TTC29: variants seen among roughly 807,000 people sequenced by gnomAD.
TTC29 encodes the protein tetratricopeptide repeat protein 29.
Under a neutral mutation model 58.1 loss-of-function variants are expected in TTC29, and 49 were observed. That is an observed-to-expected ratio of 0.84 (90% CI 0.67 to 1.07). The LOEUF (loss-of-function observed/expected upper bound fraction) is 1.07, where lower values mean the gene tolerates loss of function less well. Among genes scored for constraint, TTC29 ranks in the 50% least tolerant of loss-of-function variants. The pLI is 0.00. For synonymous variants in TTC29, 209 were observed against 196.8 expected (o/e 1.06, Z -0.52); for missense variants, 582 against 555.6 (o/e 1.05, Z -0.48).
At chr4:146,901,006 T>G (rs1733110211) in intron 6 of TTC29, among the ~76,000 whole-genome samples, 1 of 151,854 alleles carries the variant, frequency 6.6e-6, no homozygotes, top group Non-Finnish European at 1.5e-5. Context: ...TATTTTCACA[T>G]AATATGTATG....
At chr4:146,927,528 C>T (rs1233308427) in intron 4 of TTC29, among the ~76,000 whole-genome samples, 4 of 152,084 alleles carry the variant, frequency 2.6e-5, no homozygotes, top group African/African-American at 7.2e-5. Flanking sequence ...AATCACTACC[C>T]ACTAATGAGT....
intron 11 of TTC29, among the ~76,000 whole-genome samples, chr4:146,729,068 T>C (rs1440771736): frequency 6.6e-6 from 1 of 151,760 alleles, no homozygotes; most frequent in African/African-American, 2.4e-5. Context: ...GTACATCTAT[T>C]GTATAAACTT....
chr4:146,942,756 AT>A, intron 2 of TTC29: 1 of 718,560 alleles, frequency 1.4e-6, no homozygotes, highest in Non-Finnish European at 2.2e-6. Flanking sequence ...TCCTCTATAA[AT>A]TTTAGACTCT....
At chr4:146,896,802 T>C (rs928343194) in intron 6 of TTC29, among the ~76,000 whole-genome samples, 1 of 152,210 alleles carries the variant, frequency 6.6e-6, no homozygotes, top group African/African-American at 2.4e-5. Context: ...TTTTCTACTC[T>C]GTACCTTAAT....
chr4:146,874,635 T>G (rs1383186183), intron 7 of TTC29, 81 bp downstream of exon 7: 1 of 1,137,650 alleles, frequency 8.8e-7, no homozygotes, highest in Non-Finnish European at 1.3e-6. Flanking sequence ...CCCTAACACT[T>G]GACGATTTTT....
chr4:146,863,244 T>C (rs1461868900), intron 8 of TTC29, among the ~76,000 whole-genome samples: 1 of 152,202 alleles, frequency 6.6e-6, no homozygotes, highest in Non-Finnish European at 1.5e-5. Flanking sequence ...TGCAAAAATA[T>C]GCAGTTTGCA....
At chr4:146,782,388 TATTA>T (rs1035008113) in intron 11 of TTC29, among the ~76,000 whole-genome samples, 18 of 151,958 alleles carry the variant, frequency 1.2e-4, no homozygotes, top group Admixed American at 7.9e-4. Context: ...TATTGAAATG[TATTA>T]ATTATCAAGA....
intron 11 of TTC29, among the ~76,000 whole-genome samples, chr4:146,711,247 T>G (rs1742472109): frequency 6.6e-6 from 1 of 152,144 alleles, no homozygotes; most frequent in African/African-American, 2.4e-5. Flanking sequence ...ACCTTAAATT[T>G]AAAACTCACT....
intron 11 of TTC29, among the ~76,000 whole-genome samples, chr4:146,736,752 G>A (rs1176418603): frequency 6.6e-6 from 1 of 152,212 alleles, no homozygotes; most frequent in Non-Finnish European, 1.5e-5. Flanking sequence ...TGTCTTCAGT[G>A]ATGTCTGAGC....
chr4:146,887,158 A>G (rs1431979524), intron 6 of TTC29, among the ~76,000 whole-genome samples: 1 of 152,172 alleles, frequency 6.6e-6, no homozygotes, highest in Non-Finnish European at 1.5e-5. Context: ...GTGCCTATAG[A>G]TAATAATATT....
intron 8 of TTC29, among the ~76,000 whole-genome samples, chr4:146,855,065 GA>G (rs1296610156): frequency 5.3e-5 from 8 of 152,120 alleles, no homozygotes; most frequent in Non-Finnish European, 1.0e-4. Context: ...GGAAGGTTGA[GA>G]TGGGTGATTC....
chr4:146,854,923 G>A (rs762757068), intron 8 of TTC29, among the ~76,000 whole-genome samples: 3 of 152,150 alleles, frequency 2.0e-5, no homozygotes, highest in Non-Finnish European at 2.9e-5. Flanking sequence ...GGTGCCAAAT[G>A]CCATTTTGTG....
chr4:146,817,955 C>T (rs1486118511), intron 10 of TTC29, among the ~76,000 whole-genome samples: 1 of 152,042 alleles, frequency 6.6e-6, no homozygotes, highest in Non-Finnish European at 1.5e-5. Flanking sequence ...AAGACTTAAA[C>T]GTTAGACCTA....
chr4:146,764,637 T>G (rs530249721), intron 11 of TTC29, among the ~76,000 whole-genome samples: 2 of 152,262 alleles, frequency 1.3e-5, no homozygotes, highest in East Asian at 3.9e-4. Flanking sequence ...AAAAAAATCA[T>G]GTTCGAACAT....
At chr4:146,779,192 T>C (rs190826493) in intron 11 of TTC29, among the ~76,000 whole-genome samples, 1 of 152,050 alleles carries the variant, frequency 6.6e-6, no homozygotes, top group Admixed American at 6.6e-5. Flanking sequence ...ATGAAGACTT[T>C]AAAAAATATT....
chr4:146,879,501 AC>A (rs1375142800), intron 6 of TTC29, among the ~76,000 whole-genome samples: 5 of 152,158 alleles, frequency 3.3e-5, no homozygotes, highest in Non-Finnish European at 7.4e-5. Context: ...ATTATAAAAG[AC>A]CTCAATATGG....
chr4:146,806,189 G>T (rs1163862231), intron 10 of TTC29, among the ~76,000 whole-genome samples: 1 of 152,174 alleles, frequency 6.6e-6, no homozygotes, highest in African/African-American at 2.4e-5. Context: ...AATGCTGAGA[G>T]ATTTTGTCAC....
At chr4:146,923,108 A>G (rs1995810) in intron 4 of TTC29, among the ~76,000 whole-genome samples, 23,998 of 151,832 alleles carry the variant, frequency 0.16, 3,033 homozygotes, top group African/African-American at 0.34. Flanking sequence ...AATACAAGTA[A>G]CCATTGTAAT....
rs368376958 is a variant in TTC29, at chr4:146,820,252, G to A, written c.978-4C>T. ...TGCTTCTGTCATCTCTCCTTGGCTA[G>A]AATGAATGAAATAGGAAGTCAATGG... On this transcript the variant is annotated splice_polypyrimidine_tract_variant and splice_region_variant and intron_variant, in intron 9 of 12. Coordinates refer to ENST00000325106, the MANE Select transcript of TTC29 (RefSeq NM_031956.4). The A allele has an allele frequency of 6.2e-7, 1 of 1,609,678 alleles. No individual in the cohort carries two copies. Among genetic ancestry groups the A allele is most frequent in the South Asian group, 1.1e-5 (1 of 90,872 alleles).
Sources: gnomAD v4.1 joint callset for allele counts (sites outside exome capture counted in the v4.1 genomes callset) on GRCh38, gnomAD v4.1.1 for gene constraint, MANE v1.5 for transcripts, NCBI Gene and HGNC (gene_info 2026-07-23, HGNC 2026-07-21) for gene names.